The following PCDH9 variants were observed in gnomAD, a reference collection of about 807,000 sequenced individuals.
The protein encoded by PCDH9 is protocadherin 9.
Under a neutral mutation model 70.6 loss-of-function variants are expected in PCDH9, and 24 were observed. The observed-to-expected ratio is 0.34, with a 90% CI of 0.25 to 0.48. PCDH9 has a LOEUF of 0.48. PCDH9 is among the 20% of genes least tolerant of loss of function. PCDH9 has a pLI of 0.99. For synonymous variants in PCDH9, 562 were observed against 558.5 expected (o/e 1.01, Z -0.09); for missense variants, 1,281 against 1,503.6 (o/e 0.85, Z 2.45).
rs373870631 is a variant in PCDH9, at chr13:67,169,116, A to G, written c.3036+56289T>C. ...TGTGACACTGGAAGTCCTCAGCACC[A>G]CTGGGGAAAATCAGTGTTTGTTTTC... On this transcript the variant is annotated intron_variant, in intron 2 of 4. Coordinates refer to ENST00000377865, the MANE Select transcript of PCDH9 (RefSeq NM_203487.3). Among the ~76,000 whole-genome samples the G allele has an allele frequency of 2.7e-3, 412 of 152,344 alleles. 1 individual carries two copies. The highest frequency in any genetic ancestry group is 9.6e-3 in the African/African-American group (400 of 41,594).
At chr13:66,428,090 G>A (rs971074990) in intron 4 of PCDH9, among the ~76,000 whole-genome samples, 13 of 151,644 alleles carry the variant, frequency 8.6e-5, no homozygotes, top group African/African-American at 3.1e-4. Context: ...AGCATTTTGG[G>A]TAACAGTGTA....
intron 4 of PCDH9, among the ~76,000 whole-genome samples, chr13:66,362,424 G>T (rs1956486504): frequency 1.3e-5 from 2 of 152,064 alleles, no homozygotes; most frequent in Non-Finnish European, 2.9e-5. Context: ...TCATTTTTAT[G>T]GGAAGATCCC....
intron 2 of PCDH9, among the ~76,000 whole-genome samples, chr13:66,947,042 G>T (rs976046445): frequency 1.3e-5 from 2 of 152,146 alleles, no homozygotes; most frequent in Non-Finnish European, 2.9e-5. Flanking sequence ...AAACTGGATT[G>T]ACTTTAGTGC....
intron 3 of PCDH9, chr13:66,880,009 A>C (rs935947350): frequency 6.6e-6 from 1 of 152,190 alleles, no homozygotes; most frequent in Non-Finnish European, 1.5e-5. Flanking sequence ...GAAGGAATAT[A>C]AGCAAATCCA....
intron 4 of PCDH9, among the ~76,000 whole-genome samples, chr13:66,533,676 A>T (rs78152940): frequency 0.13 from 19,058 of 152,158 alleles, 1,429 homozygotes; most frequent in Middle Eastern, 0.24. Flanking sequence ...ATAAGAAAAC[A>T]TACTTGCAAA....
chr13:67,123,325 C>T (rs576859674), intron 2 of PCDH9, among the ~76,000 whole-genome samples: 169 of 152,260 alleles, frequency 1.1e-3, no homozygotes, highest in African/African-American at 3.9e-3. Flanking sequence ...GAGCTCCTTC[C>T]TTTCCTGCAC....
intron 2 of PCDH9, among the ~76,000 whole-genome samples, chr13:67,058,399 C>T (rs1036357179): frequency 3.9e-5 from 6 of 152,070 alleles, no homozygotes; most frequent in Non-Finnish European, 8.8e-5. Context: ...CAAGTGTGCA[C>T]GTCCCAGCTG....
At chr13:66,550,190 C>T (rs541139385) in intron 4 of PCDH9, among the ~76,000 whole-genome samples, 21 of 151,900 alleles carry the variant, frequency 1.4e-4, no homozygotes, top group African/African-American at 3.4e-4. Context: ...GGTTGATTTG[C>T]GTTTTATAAT....
intron 3 of PCDH9, among the ~76,000 whole-genome samples, chr13:66,852,563 A>T (rs113192989): frequency 1.3e-5 from 2 of 152,290 alleles, no homozygotes; most frequent in African/African-American, 4.8e-5. Flanking sequence ...CTCCAAGGCC[A>T]AATTCACAAC....
intron 2 of PCDH9, among the ~76,000 whole-genome samples, chr13:67,073,442 G>A (rs953867599): frequency 3.3e-5 from 5 of 151,920 alleles, no homozygotes; most frequent in African/African-American, 7.2e-5. Context: ...GTTTTTACAT[G>A]AGGCTGCTTA....
chr13:66,763,387 A>G (rs1445434574), intron 3 of PCDH9, among the ~76,000 whole-genome samples: 2 of 152,048 alleles, frequency 1.3e-5, no homozygotes, highest in Non-Finnish European at 2.9e-5. Context: ...TGTGAAGTAT[A>G]TAAGAATAAG....
chr13:66,809,009 G>C (rs1048900439), intron 3 of PCDH9, among the ~76,000 whole-genome samples: 10 of 152,110 alleles, frequency 6.6e-5, no homozygotes, highest in Non-Finnish European at 1.5e-4. Flanking sequence ...GTGCGGTGGC[G>C]CTATCTCGGC....
At position 67,079,852 on chromosome 13, in the gene PCDH9, T is replaced by C. The variant is rs900789195; in HGVS notation, c.3036+145553A>G. On this transcript the variant is annotated intron_variant, in intron 2 of 4. Transcript: ENST00000377865. ...AAGAACCTTGGTCTCTACAACCCCCTTATCTTAACTCAAACATTCCTTTCT... is the reference window on the plus strand; with the variant it reads ...AAGAACCTTGGTCTCTACAACCCCCCTATCTTAACTCAAACATTCCTTTCT... Among the ~76,000 whole-genome samples the C allele has an allele frequency of 2.0e-5, 3 of 152,120 alleles. No homozygotes were observed. The South Asian group carries it at 6.2e-4, about 32-fold the overall frequency.
chr13:67,157,791 A>T (rs545131634), intron 2 of PCDH9, among the ~76,000 whole-genome samples: 1 of 152,332 alleles, frequency 6.6e-6, no homozygotes, highest in East Asian at 1.9e-4. Flanking sequence ...GGCAGCCTTA[A>T]GTCTAGCACG....
intron 2 of PCDH9, among the ~76,000 whole-genome samples, chr13:66,921,459 T>C (rs537506241): frequency 2.0e-5 from 3 of 151,034 alleles, no homozygotes; most frequent in African/African-American, 7.3e-5. Flanking sequence ...AAAACTAGAG[T>C]GAAGGGTTGT....
intron 3 of PCDH9, among the ~76,000 whole-genome samples, chr13:66,814,601 A>C (rs1353725940): frequency 1.3e-5 from 2 of 152,150 alleles, no homozygotes; most frequent in Admixed American, 1.3e-4. Flanking sequence ...CTCTCTGGTT[A>C]CAAAACTCCA....
intron 2 of PCDH9, among the ~76,000 whole-genome samples, chr13:66,931,401 C>T (rs1240491707): frequency 6.6e-6 from 1 of 152,056 alleles, no homozygotes; most frequent in Non-Finnish European, 1.5e-5. Context: ...ACTCACCCTA[C>T]TCAGTGATTT....
chr13:66,415,016 G>A (rs1377119704), intron 4 of PCDH9, among the ~76,000 whole-genome samples: 2 of 152,012 alleles, frequency 1.3e-5, no homozygotes, highest in Non-Finnish European at 2.9e-5. Context: ...CTATAGATAT[G>A]GTGTTAAGGA....
chr13:66,644,478 T>A (rs1265381421), intron 3 of PCDH9, among the ~76,000 whole-genome samples: 4 of 151,958 alleles, frequency 2.6e-5, no homozygotes, highest in Non-Finnish European at 5.9e-5. Context: ...GTAGACAAAC[T>A]TTTGTAGTAA....
Sources: allele counts gnomAD v4.1 joint callset (sites outside exome capture counted in the v4.1 genomes callset), GRCh38; gene constraint gnomAD v4.1.1; transcripts MANE v1.5; gene names NCBI Gene and HGNC (gene_info 2026-07-23, HGNC 2026-07-21).